The following DGAT2L6 variants were observed in gnomAD, a reference collection of about 807,000 sequenced individuals.
The protein encoded by DGAT2L6 is diacylglycerol O-acyltransferase 2 like 6.
Under a neutral mutation model 25.5 loss-of-function variants are expected in DGAT2L6, and 22 were observed. The observed-to-expected ratio is 0.86, with a 90% confidence interval of 0.62 to 1.23. DGAT2L6 has a LOEUF of 1.23. Among genes scored for constraint, DGAT2L6 ranks in the 50% most tolerant of loss-of-function variants. The pLI is 0.00. For missense variants in DGAT2L6, 287 were observed against 253.2 expected, an observed-to-expected ratio of 1.13 and a Z score of -0.91; for synonymous variants, 100 against 94.7, an observed-to-expected ratio of 1.06 and a Z score of -0.32.
chrX:70,180,933 T>G (rs768726875), intron 1 of DGAT2L6, among the ~76,000 whole-genome samples: 2 of 112,266 alleles, frequency 1.8e-5, no homozygotes, highest in African/African-American at 6.5e-5. Context: ...ATGCCACATA[T>G]TGTTTTCCAT....
Position 70,205,218 on chromosome X carries a change from A to C in DGAT2L6, c.*112A>C. 1 of 857,881 alleles carries C rather than the reference A, an allele frequency of 1.2e-6. No individual in the cohort carries two copies. The highest frequency in any genetic ancestry group is 1.5e-6 in the Non-Finnish European group (1 of 650,882). The allele number at this position is 857,881 out of a possible 1,213,427, so 70.7% of individuals were successfully genotyped here. On this transcript the variant is annotated 3_prime_UTR_variant, in exon 7 of 7. Transcript: ENST00000333026. ...AAAGATCGTAAGGATGAGAGAGGAG[A>C]CCATCCAAGCCAGAAATTATTTAAT... is the stretch of plus-strand genomic sequence containing the variant.
chrX:70,179,236 G>A (rs1047677282), intron 1 of DGAT2L6, among the ~76,000 whole-genome samples: 4 of 111,943 alleles, frequency 3.6e-5, no homozygotes, highest in Non-Finnish European at 5.6e-5. Flanking sequence ...TAGCTATATC[G>A]AGAGAAGAAA....
intron 1 of DGAT2L6, among the ~76,000 whole-genome samples, chrX:70,187,944 T>C (rs1389438132): frequency 8.9e-6 from 1 of 112,175 alleles, no homozygotes; most frequent in Non-Finnish European, 1.9e-5. Context: ...TGTCTAATCT[T>C]GGAACAATGT....
chrX:70,202,096 A>T (rs765265420), intron 5 of DGAT2L6, 32 bp downstream of exon 5: 13 of 1,123,136 alleles, frequency 1.2e-5, no homozygotes, highest in Non-Finnish European at 1.5e-5. Context: ...CTCTGTTGTC[A>T]GGGTGCCATA....
chrX:70,201,214 C>T (rs1000948757), intron 4 of DGAT2L6, among the ~76,000 whole-genome samples: 3 of 112,178 alleles, frequency 2.7e-5, no homozygotes, highest in South Asian at 3.7e-4. Flanking sequence ...GTTAGCATGG[C>T]CCTGGAGCAG....
intron 1 of DGAT2L6, among the ~76,000 whole-genome samples, chrX:70,196,478 T>G (rs1602692527): frequency 1.9e-5 from 1 of 53,636 alleles, no homozygotes; most frequent in Non-Finnish European, 3.6e-5. Context: ...CAGAACCAGA[T>G]CCTGTCTCAA....
chrX:70,199,731 C>T, intron 2 of DGAT2L6, 81 bp from the exon 3 acceptor site: 1 of 980,334 alleles, frequency 1.0e-6, no homozygotes, highest in Non-Finnish European at 1.4e-6. Flanking sequence ...CTGAGGACTG[C>T]AGGCAGAACT....
In DGAT2L6 at chrX:70,204,939, TC is replaced by T. The variant is rs1450059926; in HGVS notation, c.860-12del. ...GGGGAACTCTGATGTTTGTCTCTTT[TC>T]TTTTTTCATAGTTGGGGAACCCCTT... On this transcript the variant is annotated splice_polypyrimidine_tract_variant and intron_variant, in intron 6 of 6. Transcript: ENST00000333026. 8.6e-7 allele frequency: 1 copy of T among 1,168,110 alleles called. No homozygotes were observed. The highest frequency in any genetic ancestry group is 2.6e-5 in the Admixed American group (1 of 37,968).
chrX:70,199,372 C>T lies in DGAT2L6; in HGVS notation c.187C>T (p.His63Tyr). 1 of 1,178,710 alleles carries T rather than the reference C, an allele frequency of 8.5e-7. No homozygotes were observed. Among genetic ancestry groups the T allele is most frequent in the Non-Finnish European group, 1.1e-6 (1 of 875,026 alleles). ...LAWLTYDWNT[H>Y]SQGGRRSAWV... ...CTGGCTCACCTATGATTGGAACACC[C>T]ACAGTCAAGGTAAGAGACAGGGGCA... Residue 63 changes from histidine (H) to tyrosine (Y), a missense_variant, in exon 2 of 7, where the codon CAC becomes TAC. Coordinates refer to ENST00000333026, the MANE Select transcript of DGAT2L6 (RefSeq NM_198512.3).
intron 1 of DGAT2L6, among the ~76,000 whole-genome samples, chrX:70,197,884 C>T (rs757160438): frequency 1.8e-5 from 2 of 112,246 alleles, no homozygotes; most frequent in Admixed American, 1.9e-4. Flanking sequence ...CCTCCCACCA[C>T]GCTTTCCTGT....
chrX:70,177,765 TCTC>T, intron 1 of DGAT2L6, 98 bp downstream of exon 1: 2 of 729,648 alleles, frequency 2.7e-6, no homozygotes, highest in Non-Finnish European at 4.1e-6. Flanking sequence ...ATCTGGGTGA[TCTC>T]CACCCTCTGG....
chrX:70,179,304 C>T (rs2085336010), intron 1 of DGAT2L6, among the ~76,000 whole-genome samples: 1 of 111,416 alleles, frequency 9.0e-6, no homozygotes, highest in South Asian at 3.8e-4. Flanking sequence ...TTTTGTTTTC[C>T]TTTGCATTTC....
chrX:70,199,962 C>T lies in DGAT2L6; in HGVS notation c.267+80C>T, dbSNP rs767778314. 2.0e-5 allele frequency: 20 copies of T among 995,142 alleles called. No homozygotes were observed. The African/African-American group carries it at 2.7e-4, about 13-fold the overall frequency. 82.0% of individuals were successfully genotyped at this position (995,142 alleles called of 1,213,427 possible). On this transcript the variant is annotated intron_variant, in intron 3 of 6. Coordinates refer to ENST00000333026, the MANE Select transcript of DGAT2L6 (RefSeq NM_198512.3). ...CTACTCAGCTCCATGTTTTCAGAGG[C>T]TTTGGTGGTCAGCAGCGAAGGTCAA...
At chrX:70,202,409 C>CT (rs1313616189) in intron 5 of DGAT2L6, among the ~76,000 whole-genome samples, 1 of 112,114 alleles carries the variant, frequency 8.9e-6, no homozygotes, top group Admixed American at 9.4e-5. Flanking sequence ...GAGGCACTAG[C>CT]TTTGATACCG....
intron 1 of DGAT2L6, among the ~76,000 whole-genome samples, chrX:70,179,336 C>G (rs1027207665): frequency 9.0e-6 from 1 of 111,038 alleles, no homozygotes; most frequent in Non-Finnish European, 1.9e-5. Context: ...TCAAAAAGAC[C>G]CCTTTGATAA....
At chrX:70,196,443 C>T (rs1169018055) in intron 1 of DGAT2L6, among the ~76,000 whole-genome samples, 2 of 94,345 alleles carry the variant, frequency 2.1e-5, no homozygotes, top group South Asian at 5.5e-4. Flanking sequence ...GCCGAGATCA[C>T]GCCATGGAAC....
At chrX:70,204,893 G>T in intron 6 of DGAT2L6, 59 bp from the exon 7 acceptor site, 1 of 1,112,019 alleles carries the variant, frequency 9.0e-7, no homozygotes, top group Non-Finnish European at 1.2e-6. Flanking sequence ...CCCAGTGAGG[G>T]ATGAGTAGTT....
At chrX:70,200,553 A>C in intron 4 of DGAT2L6, 94 bp downstream of exon 4, 2 of 835,061 alleles carry the variant, frequency 2.4e-6, no homozygotes, top group Non-Finnish European at 3.4e-6. Context: ...TGAAGAGTAC[A>C]TGATAGAAAA....
chrX:70,199,414 T>A (rs1569206496), intron 2 of DGAT2L6, 33 bp downstream of exon 2: 1 of 1,064,610 alleles, frequency 9.4e-7, no homozygotes, highest in Admixed American at 2.7e-5. Context: ...TGGTCCTGTT[T>A]GGGCCAAGAA....
Sources: gnomAD v4.1 joint callset for allele counts (sites outside exome capture counted in the v4.1 genomes callset) on GRCh38, gnomAD v4.1.1 for gene constraint, MANE v1.5 for transcripts, NCBI Gene and HGNC (gene_info 2026-07-23, HGNC 2026-07-21) for gene names.